MCTP1: variants seen among roughly 807,000 people sequenced by gnomAD.
MCTP1 encodes the protein multiple C2 and transmembrane domain containing 1, also known as multiple C2 and transmembrane domain-containing protein 1.
A neutral mutation model predicts 120.6 loss-of-function variants in MCTP1; 69 were observed. That is an observed-to-expected ratio of 0.57 (90% CI 0.47 to 0.70). The LOEUF (loss-of-function observed/expected upper bound fraction) is 0.70, where lower values mean the gene tolerates loss of function less well. Among genes scored for constraint, MCTP1 ranks in the 30% least tolerant of loss-of-function variants. The probability of loss-of-function intolerance (pLI) is 0.00; values close to 1 mark genes in which losing one functional copy is unlikely to be tolerated. For missense variants in MCTP1, 1,203 were observed against 1,248.8 expected (o/e 0.96, Z 0.55); for synonymous variants, 529 against 493.1 (o/e 1.07, Z -0.96).
chr5:94,826,343 T>C, intron 17 of MCTP1: 1 of 557,792 alleles, frequency 1.8e-6, no homozygotes, highest in Non-Finnish European at 3.3e-6. Flanking sequence ...AAGGTTCCAC[T>C]GAGGATTTGA....
chr5:94,832,672 T>A (rs1158371047), intron 17 of MCTP1, among the ~76,000 whole-genome samples: 1 of 151,426 alleles, frequency 6.6e-6, no homozygotes, highest in Non-Finnish European at 1.5e-5. Flanking sequence ...TCAGAATGAC[T>A]TCATGACAAG....
chr5:94,721,755 G>C (rs1056635880), intron 19 of MCTP1, among the ~76,000 whole-genome samples: 2 of 149,718 alleles, frequency 1.3e-5, no homozygotes, highest in Non-Finnish European at 3.0e-5. Context: ...TTCCTTTATT[G>C]TTGTTTTTGC....
Position 95,284,365 on chromosome 5 carries a change from C to G in MCTP1, c.211G>C (p.Gly71Arg), listed in dbSNP as rs1379728082. 1.3e-6 allele frequency: 2 copies of G among 1,596,100 alleles called. No homozygotes were observed. Among genetic ancestry groups the G allele is most frequent in the Non-Finnish European group, 1.7e-6 (2 of 1,179,120 alleles). The change falls in exon 1 of 23, where the codon GGG becomes CGG. Residue 71 changes from glycine (G) to arginine (R), a missense_variant. Physicochemically the swap from Gly to Arg is moderately radical, Grantham distance 125 (BLOSUM62 -2). Transcript: ENST00000515393. The surrounding 1 kb of genome is among the most constrained non-coding windows in gnomAD (Gnocchi z 5.2). Reference sequence around the variant, plus strand: ...CTCCACCTGCTGCCTGCACCACTCCCCCTGGCCGGTGCATTCCCTGTGCCC... The same window carrying G: ...CTCCACCTGCTGCCTGCACCACTCCGCCTGGCCGGTGCATTCCCTGTGCCC... Reference protein sequence around the residue: ...PVGTGNAPARGSGAGSRWSGF... With the variant: ...PVGTGNAPARRSGAGSRWSGF...
At chr5:95,152,242 C>T (rs1186430688) in intron 1 of MCTP1, among the ~76,000 whole-genome samples, 1 of 152,178 alleles carries the variant, frequency 6.6e-6, no homozygotes, top group Non-Finnish European at 1.5e-5. Context: ...TAATTTAAAT[C>T]TGATCAAAAC....
Position 95,090,714 on chromosome 5 carries a change from T to G in MCTP1, c.721-73230A>C, listed in dbSNP as rs529223629. 1.3e-4 allele frequency among the ~76,000 whole-genome samples: 20 copies of G among 152,176 alleles called. 1 individual carries two copies. In the South Asian group the frequency reaches 3.9e-3, roughly 30 times the overall value. The stretch of plus-strand genomic sequence containing the variant: ...TGCCATAATGCTTTGGCTGTCCAGA[T>G]TCAACCTGAAAAACCCAACCTAGGA... On this transcript the variant is annotated intron_variant, in intron 1 of 22. Coordinates refer to ENST00000515393, the MANE Select transcript of MCTP1 (RefSeq NM_024717.7).
intron 1 of MCTP1, among the ~76,000 whole-genome samples, chr5:95,218,425 T>C (rs1437037378): frequency 6.6e-6 from 1 of 152,212 alleles, no homozygotes; most frequent in African/African-American, 2.4e-5. Context: ...ATGTATGGAA[T>C]GCTTCAACTA....
intron 2 of MCTP1, among the ~76,000 whole-genome samples, chr5:94,985,606 T>C (rs1226809135): frequency 2.0e-5 from 3 of 152,332 alleles, no homozygotes; most frequent in Middle Eastern, 3.4e-3. Flanking sequence ...CAATTTGTGA[T>C]TATGACAAAG....
At chr5:94,743,160 A>G (rs1765927089) in intron 19 of MCTP1, among the ~76,000 whole-genome samples, 1 of 139,448 alleles carries the variant, frequency 7.2e-6, no homozygotes, top group East Asian at 2.2e-4. Flanking sequence ...AAAAAAAAAA[A>G]TCTGGGGGAT....
chr5:95,079,823 T>G (rs1754473041), intron 1 of MCTP1, among the ~76,000 whole-genome samples: 1 of 152,080 alleles, frequency 6.6e-6, no homozygotes, highest in Non-Finnish European at 1.5e-5. Flanking sequence ...AAACTTTTAA[T>G]TAATTGTCTT....
At chr5:94,936,798 CAT>C (rs1554143128) in intron 5 of MCTP1, among the ~76,000 whole-genome samples, 2 of 151,978 alleles carry the variant, frequency 1.3e-5, no homozygotes, top group Non-Finnish European at 2.9e-5. Flanking sequence ...TAATGTAGAG[CAT>C]ATGTTTAGAA....
At chr5:94,793,051 G>A (rs755289823) in intron 18 of MCTP1, among the ~76,000 whole-genome samples, 1 of 151,968 alleles carries the variant, frequency 6.6e-6, no homozygotes, top group African/African-American at 2.4e-5. Context: ...TAATTCATAG[G>A]GCTCAGGGCT....
intron 1 of MCTP1, among the ~76,000 whole-genome samples, chr5:95,181,921 C>A (rs1364448704): frequency 6.6e-6 from 1 of 152,162 alleles, no homozygotes; most frequent in African/African-American, 2.4e-5. Flanking sequence ...ACTTTGGATG[C>A]CTCTTTGTCT....
intron 6 of MCTP1, among the ~76,000 whole-genome samples, chr5:94,926,393 A>T (rs928963180): frequency 5.3e-5 from 8 of 151,396 alleles, no homozygotes; most frequent in African/African-American, 1.9e-4. Flanking sequence ...AAAAATAAAT[A>T]AATACACAAA....
At chr5:95,072,081 C>CTGTGTGCGTGTG (rs1752305974) in intron 1 of MCTP1, among the ~76,000 whole-genome samples, 1 of 143,784 alleles carries the variant, frequency 7.0e-6, no homozygotes, top group African/African-American at 2.6e-5. Flanking sequence ...GCCAATTTTC[C>CTGTGTGCGTGTG]TGTGTGTGTG....
intron 1 of MCTP1, among the ~76,000 whole-genome samples, chr5:95,079,996 A>G (rs1166639568): frequency 6.6e-6 from 1 of 152,154 alleles, no homozygotes; most frequent in Non-Finnish European, 1.5e-5. Context: ...TAAATATAAA[A>G]TAGCAGATCA....
At position 94,708,570 on chromosome 5, in the gene MCTP1, G is replaced by A. The variant is rs35027175; in HGVS notation, c.2870C>T (p.Ala957Val). The A allele has an allele frequency of 3.1e-6, 5 of 1,611,128 alleles. No homozygotes were observed. In the African/African-American group the frequency reaches 6.7e-5, roughly 22 times the overall value. ...GTCAAGTAGTTCATTGTTATCAATT[G>A]CATATGGACTCCGAAGCTTTTTTGT... ...KFTKKLRSPY[A>V]IDNNELLDFL... The change falls in exon 22 of 23, where the codon GCA (alanine) becomes GTA (valine). Residue 957 changes from alanine to valine, a missense_variant. Physicochemically the swap from Ala to Val is moderately conservative, Grantham distance 64. This residue lies in a region of MCTP1 where 740 missense variants were observed against 871.1 expected (regional missense o/e 0.85). Coordinates refer to ENST00000515393, the MANE Select transcript of MCTP1 (RefSeq NM_024717.7).
At chr5:95,259,547 C>A (rs1002822735) in intron 1 of MCTP1, among the ~76,000 whole-genome samples, 4 of 152,180 alleles carry the variant, frequency 2.6e-5, no homozygotes, top group Non-Finnish European at 5.9e-5. Flanking sequence ...CAGTGAAACA[C>A]AATCTCTTTC....
rs112074044 is a variant in MCTP1, at chr5:95,265,079, T to C, written c.720+18777A>G. ...TGCCTGGGCTCTACTCCATCCATCC[T>C]ATTAGACATCTCCGTTCCTACCCAC... On this transcript the variant is annotated intron_variant, in intron 1 of 22. Transcript: ENST00000515393. 2.2e-3 allele frequency among the ~76,000 whole-genome samples: 340 copies of C among 152,286 alleles called. 1 individual carries two copies. Among genetic ancestry groups the C allele is most frequent in the African/African-American group, 8.0e-3 (332 of 41,566 alleles).
intron 1 of MCTP1, among the ~76,000 whole-genome samples, chr5:95,210,212 A>T (rs571721021): frequency 5.9e-5 from 9 of 152,106 alleles, no homozygotes; most frequent in Admixed American, 2.0e-4. Flanking sequence ...AGAGCTGAGT[A>T]AAATTCCTGG....
Sources: gnomAD v4.1 joint callset for allele counts (sites outside exome capture counted in the v4.1 genomes callset) on GRCh38, gnomAD v4.1.1 for gene constraint, gnomAD v4.1.1 regional missense constraint, Gnocchi (gnomAD v3.1) non-coding constraint, MANE v1.5 for transcripts, NCBI Gene and HGNC (gene_info 2026-07-23, HGNC 2026-07-21) for gene names.